MDGA2: variants seen among roughly 807,000 people sequenced by gnomAD.
MDGA2 encodes the protein MAM domain-containing glycosylphosphatidylinositol anchor protein 2.
Under a neutral mutation model 117.8 loss-of-function variants are expected in MDGA2, and 40 were observed. The observed-to-expected ratio is 0.34, with a 90% CI of 0.26 to 0.44. The LOEUF (loss-of-function observed/expected upper bound fraction) is 0.44. Among genes scored for constraint, MDGA2 ranks in the 20% least tolerant of loss-of-function variants. The pLI is 1.00. For missense variants in MDGA2, 1,123 were observed against 1,250.6 expected, an observed-to-expected ratio of 0.90 and a Z score of 1.54; for synonymous variants, 452 against 439.0, an observed-to-expected ratio of 1.03 and a Z score of -0.37.
intron 1 of MDGA2, among the ~76,000 whole-genome samples, chr14:47,596,956 C>T (rs1441197245): frequency 6.6e-6 from 1 of 152,134 alleles, no homozygotes; most frequent in Non-Finnish European, 1.5e-5. Flanking sequence ...TGTAAGAGCC[C>T]TGCTCTGCCT....
At chr14:47,479,230 T>C (rs1350275236) in intron 1 of MDGA2, among the ~76,000 whole-genome samples, 1 of 152,026 alleles carries the variant, frequency 6.6e-6, no homozygotes, top group Non-Finnish European at 1.5e-5. Flanking sequence ...AATTTTTGAA[T>C]AAGGCCTAAA....
At chr14:46,949,069 T>G (rs988408189) in intron 9 of MDGA2, among the ~76,000 whole-genome samples, 2 of 152,084 alleles carry the variant, frequency 1.3e-5, no homozygotes, top group African/African-American at 4.8e-5. Context: ...TTCAAACTGA[T>G]TAGCTTATTT....
intron 4 of MDGA2, among the ~76,000 whole-genome samples, chr14:47,140,128 G>C (rs1882655646): frequency 1.3e-5 from 2 of 151,782 alleles, no homozygotes; most frequent in Admixed American, 1.3e-4. Context: ...TTTAACCAAG[G>C]AGGGGAAAGA....
At chr14:47,316,379 G>A (rs1367623557) in intron 1 of MDGA2, among the ~76,000 whole-genome samples, 1 of 152,056 alleles carries the variant, frequency 6.6e-6, no homozygotes, top group East Asian at 1.9e-4. Flanking sequence ...GCAACTTTAT[G>A]TATATTGCCC....
chr14:47,281,461 T>C (rs1888487577), intron 2 of MDGA2, among the ~76,000 whole-genome samples: 1 of 152,214 alleles, frequency 6.6e-6, no homozygotes, highest in Non-Finnish European at 1.5e-5. Context: ...ATTTTTAAAA[T>C]GTATTTGATA....
In MDGA2 at chr14:46,882,117, A is replaced by T. The variant is rs766294800; in HGVS notation, c.2343T>A (p.Ala781=). The T allele has an allele frequency of 6.2e-7, 1 of 1,612,424 alleles. No individual in the cohort carries two copies. The highest frequency in any genetic ancestry group is 8.5e-7 in the Non-Finnish European group (1 of 1,178,986). The part of the protein sequence containing the change: ...YNLTELIKPE[A]YEVRLTPLTK... ...TGAGAGGAGTCAGTCGGACTTCATA[A>T]GCTTCTGGTTTAATTAGCTCTGTCA... is the stretch of plus-strand genomic sequence containing the variant. Residue 781 remains alanine (A), a synonymous_variant, in exon 11 of 17, where the codon GCT becomes GCA. Transcript: ENST00000399232.
At chr14:47,099,998 T>G (rs1277378014) in intron 5 of MDGA2, among the ~76,000 whole-genome samples, 1 of 152,042 alleles carries the variant, frequency 6.6e-6, no homozygotes, top group African/African-American at 2.4e-5. Flanking sequence ...AGTGAGTAAC[T>G]ACTATAAAAT....
chr14:47,065,698 A>G (rs1235601190), intron 6 of MDGA2, among the ~76,000 whole-genome samples: 1 of 152,354 alleles, frequency 6.6e-6, no homozygotes, highest in Non-Finnish European at 1.5e-5. Context: ...ACAAAAAAAG[A>G]CAACAGTCTT....
intron 8 of MDGA2, among the ~76,000 whole-genome samples, chr14:46,999,473 C>CA (rs1887424936): frequency 6.6e-6 from 1 of 151,714 alleles, no homozygotes; most frequent in South Asian, 2.1e-4. Context: ...TGCAATATCT[C>CA]AAAAAGAAAA....
chr14:46,847,182 A>G (rs1880874845), intron 15 of MDGA2, among the ~76,000 whole-genome samples: 1 of 152,044 alleles, frequency 6.6e-6, no homozygotes, highest in Non-Finnish European at 1.5e-5. Flanking sequence ...TTTTGTATTG[A>G]GACCCTGTCC....
intron 1 of MDGA2, among the ~76,000 whole-genome samples, chr14:47,502,289 C>T (rs1363549314): frequency 2.6e-5 from 4 of 152,088 alleles, no homozygotes; most frequent in Non-Finnish European, 5.9e-5. Flanking sequence ...CATGTCAATG[C>T]AATCCAGACT....
chr14:47,674,327 C>G (rs962677392), intron 1 of MDGA2, among the ~76,000 whole-genome samples, 190 bp downstream of exon 1: 1 of 152,220 alleles, frequency 6.6e-6, no homozygotes. Flanking sequence ...GCCCAGGCGC[C>G]GGGGAAGCGG....
intron 7 of MDGA2, among the ~76,000 whole-genome samples, chr14:47,044,389 T>C (rs1459247685): frequency 6.6e-6 from 1 of 152,088 alleles, no homozygotes; most frequent in Non-Finnish European, 1.5e-5. Context: ...TAATATTGAG[T>C]AATTTGTCCA....
chr14:46,846,123 T>C (rs554455356), intron 15 of MDGA2, among the ~76,000 whole-genome samples: 1 of 150,928 alleles, frequency 6.6e-6, no homozygotes, highest in Non-Finnish European at 1.5e-5. Context: ...TAAACTTAAT[T>C]AAATAATACA....
At chr14:47,389,646 A>T (rs2138434943) in intron 1 of MDGA2, among the ~76,000 whole-genome samples, 1 of 151,552 alleles carries the variant, frequency 6.6e-6, no homozygotes, top group African/African-American at 2.4e-5. Flanking sequence ...ACACTTCAGA[A>T]AGCAAAGCAG....
intron 2 of MDGA2, among the ~76,000 whole-genome samples, chr14:47,298,683 C>CCT (rs1889161266): frequency 7.9e-6 from 1 of 126,128 alleles, no homozygotes; most frequent in African/African-American, 2.9e-5. Flanking sequence ...CTTAATTTTT[C>CCT]TTTTTTTTTT....
At chr14:47,072,583 C>A (rs1890333216) in intron 6 of MDGA2, among the ~76,000 whole-genome samples, 1 of 152,076 alleles carries the variant, frequency 6.6e-6, no homozygotes, top group South Asian at 2.1e-4. Flanking sequence ...CAAGTATGAA[C>A]CCTAGTCCAA....
chr14:47,647,895 G>C (rs1897566423), intron 1 of MDGA2, among the ~76,000 whole-genome samples: 4 of 151,910 alleles, frequency 2.6e-5, no homozygotes. Context: ...AAACATTTAA[G>C]GTGACGGCTA....
chr14:47,328,712 C>A (rs1000828564), intron 1 of MDGA2, among the ~76,000 whole-genome samples: 1 of 152,006 alleles, frequency 6.6e-6, no homozygotes, highest in Non-Finnish European at 1.5e-5. Context: ...TAAGAACAAC[C>A]TTCAGAGAAA....
Sources: allele counts gnomAD v4.1 joint callset (sites outside exome capture counted in the v4.1 genomes callset), GRCh38; gene constraint gnomAD v4.1.1; transcripts MANE v1.5; gene names NCBI Gene and HGNC (gene_info 2026-07-23, HGNC 2026-07-21).